Variants in RNF13 observed in about 807,000 individuals in gnomAD.
RNF13 encodes E3 ubiquitin-protein ligase RNF13.
A neutral mutation model predicts 37.7 loss-of-function variants in RNF13; 19 were observed. The observed-to-expected ratio is 0.50, with a 90% CI of 0.35 to 0.74. RNF13 has a LOEUF of 0.74. RNF13 is among the 30% of genes least tolerant of loss of function. The probability of loss-of-function intolerance (pLI) is 0.01; values close to 1 mark genes in which losing one functional copy is unlikely to be tolerated. For synonymous variants in RNF13, 144 were observed against 157.8 expected (o/e 0.91, Z 0.65); for missense variants, 375 against 453.0 (o/e 0.83, Z 1.56).
At chr3:149,879,411 C>T (rs1013910220) in intron 4 of RNF13, among the ~76,000 whole-genome samples, 1 of 150,318 alleles carries the variant, frequency 6.7e-6, no homozygotes, top group African/African-American at 2.5e-5. Flanking sequence ...GGGGCTCAGG[C>T]GATCCTTCCA....
chr3:149,958,428 G>A (rs903820869), intron 8 of RNF13, among the ~76,000 whole-genome samples: 5 of 152,092 alleles, frequency 3.3e-5, no homozygotes, highest in African/African-American at 7.2e-5. Flanking sequence ...ACATCGCCCC[G>A]ACTCTGAATT....
chr3:149,852,471 T>C, intron 2 of RNF13, 45 bp from the exon 3 acceptor site: 1 of 806,860 alleles, frequency 1.2e-6, no homozygotes, highest in Non-Finnish European at 2.0e-6. Context: ...TTTAATGTTA[T>C]ATATAAATTG....
chr3:149,860,270 AATATATAT>A lies in RNF13; in HGVS notation c.195+7698_195+7705del, dbSNP rs1186058605. ...GAGACTCCATCTAAAAAAAAAAAAA[AATATATAT>A]ATATATATATATATATATATATAAC... On this transcript the variant is annotated intron_variant, in intron 3 of 9. Transcript: ENST00000392894. 2.5e-4 allele frequency among the ~76,000 whole-genome samples: 26 copies of A among 104,072 alleles called. 1 individual carries two copies. Among genetic ancestry groups the A allele is most frequent in the South Asian group, 2.0e-3 (7 of 3,486 alleles). The allele number at this position is 104,072 out of a possible 152,430, so 68.3% of individuals were successfully genotyped here. A position where few individuals can be genotyped will look rare whatever the true frequency, so the allele number is the denominator to read the frequency against.
rs73870439 is a variant in RNF13, at chr3:149,834,801, C to T, written c.-16-11210C>T. On this transcript the variant is annotated intron_variant, in intron 1 of 9. Transcript: ENST00000392894. ...TGTTGGTACCATCCTTCTTGTACAGCTTACAGAACTGTGGGCCAAATAAAC... is the reference window on the plus strand; with the variant it reads ...TGTTGGTACCATCCTTCTTGTACAGTTTACAGAACTGTGGGCCAAATAAAC... Among the ~76,000 whole-genome samples the T allele has an allele frequency of 4.6e-3, 699 of 152,292 alleles. 5 individuals carry two copies. Among genetic ancestry groups the T allele is most frequent in the African/African-American group, 0.016 (668 of 41,568 alleles).
In RNF13 at chr3:149,834,135, T is replaced by G. The variant is rs138119491; in HGVS notation, c.-16-11876T>G. On this transcript the variant is annotated intron_variant, in intron 1 of 9. Transcript: ENST00000392894. Reference sequence around the variant, plus strand: ...AGGACATAAATAAATGAATAGACATTCCATGTTTATGGATTGATAGACTTA... The same window carrying G: ...AGGACATAAATAAATGAATAGACATGCCATGTTTATGGATTGATAGACTTA... Among the ~76,000 whole-genome samples, 398 of 152,322 alleles carry G rather than the reference T, an allele frequency of 2.6e-3. 2 individuals are homozygous for G. Among genetic ancestry groups the G allele is most frequent in the African/African-American group, 9.1e-3 (379 of 41,572 alleles).
At chr3:149,821,373 G>A (rs1719981530) in intron 1 of RNF13, among the ~76,000 whole-genome samples, 2 of 152,106 alleles carry the variant, frequency 1.3e-5, no homozygotes. Flanking sequence ...TGGGTATGAA[G>A]TGGTATCTCA....
intron 3 of RNF13, among the ~76,000 whole-genome samples, chr3:149,870,246 T>C (rs993252541): frequency 6.6e-6 from 1 of 151,616 alleles, no homozygotes; most frequent in Non-Finnish European, 1.5e-5. Flanking sequence ...ACTTTTCCAG[T>C]GTAGAAACAG....
chr3:149,947,943 A>G (rs978170862), intron 8 of RNF13, among the ~76,000 whole-genome samples: 2 of 151,786 alleles, frequency 1.3e-5, no homozygotes, highest in African/African-American at 2.4e-5. Context: ...CTTTTAGCCT[A>G]TGTGTGCTTT....
chr3:149,943,933 G>C (rs1438749831), intron 8 of RNF13, among the ~76,000 whole-genome samples: 1 of 151,806 alleles, frequency 6.6e-6, no homozygotes, highest in Non-Finnish European at 1.5e-5. Context: ...TTTAGCATTA[G>C]GTATATCTCC....
chr3:149,876,686 CA>C (rs1431735088), intron 4 of RNF13, among the ~76,000 whole-genome samples: 1 of 151,612 alleles, frequency 6.6e-6, no homozygotes, highest in Non-Finnish European at 1.5e-5. Context: ...TCTGTCTGGC[CA>C]ATCTGACTTT....
chr3:149,867,269 T>C (rs755978515), intron 3 of RNF13, among the ~76,000 whole-genome samples: 10 of 151,976 alleles, frequency 6.6e-5, no homozygotes, highest in Non-Finnish European at 1.3e-4. Context: ...TTGTCTCTTT[T>C]TTTTTTCTTT....
At chr3:149,901,426 G>C (rs900105469) in intron 5 of RNF13, among the ~76,000 whole-genome samples, 1 of 151,976 alleles carries the variant, frequency 6.6e-6, no homozygotes, top group African/African-American at 2.4e-5. Flanking sequence ...AATTCTTTTT[G>C]GGTGGCATTT....
chr3:149,940,752 G>C (rs985555167), intron 8 of RNF13, among the ~76,000 whole-genome samples: 13 of 152,056 alleles, frequency 8.5e-5, no homozygotes, highest in African/African-American at 3.1e-4. Flanking sequence ...CAGTTCAATA[G>C]TGTTAAGTAT....
chr3:149,886,105 C>T (rs1378909926), intron 4 of RNF13, among the ~76,000 whole-genome samples: 1 of 152,096 alleles, frequency 6.6e-6, no homozygotes, highest in Non-Finnish European at 1.5e-5. Context: ...CTTTTTATGC[C>T]AGCATCATGC....
intron 1 of RNF13, among the ~76,000 whole-genome samples, chr3:149,838,985 C>T (rs1174560364): frequency 1.4e-5 from 1 of 72,090 alleles, no homozygotes; most frequent in African/African-American, 5.6e-5. Flanking sequence ...ACCTCTTGAA[C>T]AGTTTACTGC....
chr3:149,916,084 T>C (rs1338141206), intron 7 of RNF13, among the ~76,000 whole-genome samples: 1 of 151,870 alleles, frequency 6.6e-6, no homozygotes, highest in East Asian at 1.9e-4. Context: ...CTTTCTAAAA[T>C]AGTTTTTTTT....
chr3:149,961,212 T>C lies in RNF13; in HGVS notation c.*108T>C, dbSNP rs1262576136. 1 of 985,208 alleles carries C rather than the reference T, an allele frequency of 1.0e-6. No homozygotes were observed. The highest frequency in any genetic ancestry group is 1.5e-6 in the Non-Finnish European group (1 of 666,444). The allele number at this position is 985,208 out of a possible 1,614,324, so 61.0% of individuals were successfully genotyped here. ...TCTGTAGAAATAACTTATTTTTTAG[T>C]ATTCTACAGTTTAATCAAATTACTG... On this transcript the variant is annotated 3_prime_UTR_variant, in exon 10 of 10. Coordinates refer to ENST00000392894, the MANE Select transcript of RNF13 (RefSeq NM_183381.3).
At chr3:149,941,944 C>T (rs529474872) in intron 8 of RNF13, among the ~76,000 whole-genome samples, 2 of 134,776 alleles carry the variant, frequency 1.5e-5, no homozygotes, top group South Asian at 4.8e-4. Context: ...CCAGTTTTCC[C>T]AGTACCATTT....
intron 8 of RNF13, among the ~76,000 whole-genome samples, chr3:149,928,575 T>C (rs1194393702): frequency 6.6e-6 from 1 of 152,208 alleles, no homozygotes; most frequent in Non-Finnish European, 1.5e-5. Flanking sequence ...ACTCTAGTTT[T>C]GTAGTAAATT....
Sources: gnomAD v4.1 joint callset for allele counts (sites outside exome capture counted in the v4.1 genomes callset) on GRCh38, gnomAD v4.1.1 for gene constraint, MANE v1.5 for transcripts, NCBI Gene and HGNC (gene_info 2026-07-23, HGNC 2026-07-21) for gene names.